CDC42BPA: variants seen among roughly 807,000 people sequenced by gnomAD.
CDC42BPA encodes serine/threonine-protein kinase MRCK alpha.
Under a neutral mutation model 223.5 loss-of-function variants are expected in CDC42BPA, and 80 were observed. The ratio of observed to expected loss-of-function variants is 0.36; its 90% CI spans 0.30 to 0.43. The LOEUF (loss-of-function observed/expected upper bound fraction) is 0.43. Ranked by LOEUF, CDC42BPA falls within the 20% of genes least tolerant of loss-of-function variation. The probability of loss-of-function intolerance (pLI) is 1.00; values close to 1 mark genes in which losing one functional copy is unlikely to be tolerated. For synonymous variants in CDC42BPA, 694 were observed against 718.6 expected (o/e 0.97, Z 0.55); for missense variants, 1,743 against 2,099.9 (o/e 0.83, Z 3.32).
chr1:227,162,942 T>G (rs915200809), intron 5 of CDC42BPA, among the ~76,000 whole-genome samples: 4 of 146,634 alleles, frequency 2.7e-5, no homozygotes, highest in African/African-American at 1.0e-4. Context: ...ATGTGTGTGT[T>G]TCCAAACATA....
chr1:227,255,434 G>C (rs1441670376), intron 1 of CDC42BPA, among the ~76,000 whole-genome samples: 1 of 137,174 alleles, frequency 7.3e-6, no homozygotes, highest in Non-Finnish European at 1.6e-5. Context: ...TTTGTGTTTT[G>C]TAAGGAAAGG....
intron 2 of CDC42BPA, among the ~76,000 whole-genome samples, chr1:227,222,052 CA>C (rs60588018): frequency 0.11 from 9,241 of 86,022 alleles, 225 homozygotes; most frequent in South Asian, 0.13. Flanking sequence ...CTATCTCTAC[CA>C]AAAAAAAAAA....
Position 227,312,786 on chromosome 1 carries a change from T to C in CDC42BPA, c.178+4219A>G, listed in dbSNP as rs181324662. On this transcript the variant is annotated intron_variant, in intron 1 of 36. Transcript: ENST00000366766. ...AGGTGACTGGATCATGGGGGCAGAC[T>C]TCCCCTTTGTGTTGTGATAGTGAGT... is the stretch of plus-strand genomic sequence containing the variant. Among the ~76,000 whole-genome samples, 199 of 137,356 alleles carry C rather than the reference T, an allele frequency of 1.4e-3. 2 individuals are homozygous for C. Among genetic ancestry groups the C allele is most frequent in the African/African-American group, 5.0e-3 (182 of 36,416 alleles). 90.1% of individuals were successfully genotyped at this position (137,356 alleles called of 152,430 possible).
chr1:227,094,135 T>C (rs1356732444), intron 15 of CDC42BPA, among the ~76,000 whole-genome samples: 3 of 152,200 alleles, frequency 2.0e-5, no homozygotes, highest in Admixed American at 6.5e-5. Context: ...CAATTTATAT[T>C]GGAAGGAGTA....
intron 21 of CDC42BPA, among the ~76,000 whole-genome samples, chr1:227,056,628 C>T (rs1183935007): frequency 6.6e-6 from 1 of 152,068 alleles, no homozygotes; most frequent in Admixed American, 6.5e-5. Flanking sequence ...TGGGCTCAAG[C>T]GATTCTCCCG....
intron 3 of CDC42BPA, among the ~76,000 whole-genome samples, chr1:227,205,459 T>A (rs1272317972): frequency 6.6e-6 from 1 of 151,898 alleles, no homozygotes; most frequent in Non-Finnish European, 1.5e-5. Context: ...GATTTCATTA[T>A]AATAAAATTT....
chr1:227,288,413 T>C (rs952434726), intron 1 of CDC42BPA, among the ~76,000 whole-genome samples: 2 of 151,968 alleles, frequency 1.3e-5, no homozygotes, highest in African/African-American at 4.8e-5. Flanking sequence ...ATTAAAATGA[T>C]ATCGGCCAGG....
intron 2 of CDC42BPA, among the ~76,000 whole-genome samples, chr1:227,242,034 T>C (rs930921218): frequency 1.3e-5 from 2 of 152,002 alleles, no homozygotes; most frequent in Admixed American, 6.6e-5. Context: ...CTCATGCACA[T>C]AAACAAAAAA....
At chr1:227,115,613 C>T (rs558411580) in intron 12 of CDC42BPA, among the ~76,000 whole-genome samples, 1 of 151,940 alleles carries the variant, frequency 6.6e-6, no homozygotes, top group South Asian at 2.1e-4. Flanking sequence ...CAAGAACACA[C>T]ATTGAATGTT....
Position 226,996,785 on chromosome 1 carries a change from A to C in CDC42BPA, c.4976-1805T>G, listed in dbSNP as rs111683364. 7.1e-3 allele frequency among the ~76,000 whole-genome samples: 1,082 copies of C among 152,372 alleles called. 17 individuals carry two copies. Among genetic ancestry groups the C allele is most frequent in the African/African-American group, 0.025 (1,048 of 41,596 alleles). Reference sequence around the variant, plus strand: ...TTTATTGACTTGCGTATGTGGAACCAGTCTTGCATCTCAGGGATGAAGCCG... The same window carrying C: ...TTTATTGACTTGCGTATGTGGAACCCGTCTTGCATCTCAGGGATGAAGCCG... On this transcript the variant is annotated intron_variant, in intron 35 of 36. Transcript: ENST00000366766.
intron 2 of CDC42BPA, among the ~76,000 whole-genome samples, chr1:227,253,646 A>ACATACATT (rs1682548355): frequency 8.6e-6 from 1 of 116,758 alleles, no homozygotes; most frequent in Admixed American, 8.0e-5. Context: ...ATACATACAT[A>ACATACATT]CATTCATACA....
At chr1:227,016,585 C>T (rs1019132331) in intron 33 of CDC42BPA, among the ~76,000 whole-genome samples, 1 of 152,128 alleles carries the variant, frequency 6.6e-6, no homozygotes, top group African/African-American at 2.4e-5. Flanking sequence ...AGTAGTTAGT[C>T]TGAACTTCTT....
intron 1 of CDC42BPA, among the ~76,000 whole-genome samples, chr1:227,267,026 G>A (rs1546557): frequency 0.15 from 22,825 of 152,068 alleles, 2,080 homozygotes; most frequent in African/African-American, 0.24. Context: ...GTTGGGGAAG[G>A]CATAAAGAAG....
intron 23 of CDC42BPA, among the ~76,000 whole-genome samples, chr1:227,044,449 T>A (rs1487727554): frequency 6.6e-6 from 1 of 152,218 alleles, no homozygotes; most frequent in African/African-American, 2.4e-5. Flanking sequence ...AAAATCAAAT[T>A]AATACATACA....
rs769268330 is a variant in CDC42BPA at position 227,033,447 on chromosome 1, A to G, written c.3477-32T>C. ...GAAAAGCAAAGCATTAAAAGTTACT[A>G]TATGTGGCTATGTGTGTGTGGTTTG... On this transcript the variant is annotated intron_variant, in intron 26 of 36. Coordinates refer to ENST00000366766, the MANE Select transcript of CDC42BPA (RefSeq NM_001394014.1). 2.8e-6 allele frequency: 4 copies of G among 1,445,634 alleles called. No individual in the cohort carries two copies. The African/African-American group carries it at 4.2e-5, about 15-fold the overall frequency. 89.6% of individuals were successfully genotyped at this position (1,445,634 alleles called of 1,614,324 possible).
chr1:227,236,523 A>G (rs1300499596), intron 2 of CDC42BPA, among the ~76,000 whole-genome samples: 2 of 142,348 alleles, frequency 1.4e-5, no homozygotes, highest in East Asian at 4.1e-4. Flanking sequence ...ATAATTTGTA[A>G]GACATATGTT....
Position 227,151,006 on chromosome 1 carries a change from G to C in CDC42BPA, c.694-3447C>G, listed in dbSNP as rs185668439. 8.9e-3 allele frequency among the ~76,000 whole-genome samples: 1,348 copies of C among 152,006 alleles called. 20 individuals are homozygous for C. The highest frequency in any genetic ancestry group is 0.013 in the Non-Finnish European group (889 of 67,972). On this transcript the variant is annotated intron_variant, in intron 6 of 36. Coordinates refer to ENST00000366766, the MANE Select transcript of CDC42BPA (RefSeq NM_001394014.1). Reference sequence around the variant, plus strand: ...ATTATTTTTAATGGTGGTAAAAATAGACATAAAATTTACTATCTTAATGAT... The same window carrying C: ...ATTATTTTTAATGGTGGTAAAAATACACATAAAATTTACTATCTTAATGAT...
At chr1:227,214,470 G>A (rs1004268723) in intron 2 of CDC42BPA, among the ~76,000 whole-genome samples, 1 of 152,120 alleles carries the variant, frequency 6.6e-6, no homozygotes, top group African/African-American at 2.4e-5. Flanking sequence ...CATAAAGAGG[G>A]CTGTAATAAA....
chr1:227,191,980 A>G (rs1025359171), intron 5 of CDC42BPA, among the ~76,000 whole-genome samples: 3 of 151,114 alleles, frequency 2.0e-5, no homozygotes, highest in Admixed American at 2.0e-4. Flanking sequence ...AAAAAAAAAA[A>G]ACTGCATTGT....
Sources: allele counts gnomAD v4.1 joint callset (sites outside exome capture counted in the v4.1 genomes callset), GRCh38; gene constraint gnomAD v4.1.1; transcripts MANE v1.5; gene names NCBI Gene and HGNC (gene_info 2026-07-23, HGNC 2026-07-21).